Variants in NLRX1 observed in about 807,000 individuals in gnomAD.
NLRX1 encodes NLR family member X1, also known as NOD-like receptor X1.
In NLRX1, 67 loss-of-function variants were observed where a neutral mutation model predicts 74.2. The ratio of observed to expected loss-of-function variants is 0.90; its 90% CI spans 0.74 to 1.11. The LOEUF is 1.11. Among genes scored for constraint, NLRX1 ranks in the 50% least tolerant of loss-of-function variants. NLRX1 has a pLI of 0.00. For synonymous variants in NLRX1, 506 were observed against 559.1 expected (o/e 0.91, Z 1.34); for missense variants, 1,191 against 1,305.4 (o/e 0.91, Z 1.35).
chr11:119,170,306 C>T (rs2135150332), intron 1 of NLRX1, among the ~76,000 whole-genome samples: 1 of 152,192 alleles, frequency 6.6e-6, no homozygotes, highest in South Asian at 2.1e-4. Flanking sequence ...CCAATAAATG[C>T]TGGTCGGGGC....
rs1434648405 is a variant in NLRX1 at position 119,173,462 on chromosome 11, C to T, written c.230-17C>T. ...AGGCCCCTTTCCCTGACACATTTCC[C>T]TTATCTTCCCACTCAGAAGCTATAC... is the stretch of plus-strand genomic sequence containing the variant. On this transcript the variant is annotated splice_polypyrimidine_tract_variant and intron_variant, in intron 4 of 9. Coordinates refer to ENST00000409109, the MANE Select transcript of NLRX1 (RefSeq NM_001282144.2). This position sits in a 1 kb window ranked among gnomAD's most constrained non-coding sequence, Gnocchi z 4.0. The T allele has an allele frequency of 6.2e-7, 1 of 1,606,628 alleles. No homozygotes were observed. The highest frequency in any genetic ancestry group is 1.3e-5 in the African/African-American group (1 of 74,864).
chr11:119,179,544 C>T (rs1471094645), intron 6 of NLRX1, 149 bp from the exon 7 acceptor site: 3 of 605,624 alleles, frequency 5.0e-6, no homozygotes, highest in East Asian at 2.8e-5. Flanking sequence ...GGTGTCGCAG[C>T]AGGGGAGTAG....
Position 119,171,439 on chromosome 11 carries a change from G to A in NLRX1, c.36G>A (p.Trp12Ter). 2 of 1,613,938 alleles carry A rather than the reference G, an allele frequency of 1.2e-6. No homozygotes were observed. Among genetic ancestry groups the A allele is most frequent in the African/African-American group, 2.7e-5 (2 of 75,028 alleles). Residue 12 changes from tryptophan to a stop codon, truncating the protein, a stop_gained, in exon 2 of 10, where the codon TGG becomes TGA. Coordinates refer to ENST00000409109, the MANE Select transcript of NLRX1 (RefSeq NM_001282144.2). LOFTEE classifies it high-confidence loss of function. ...GCCACCATTTGCCCAGGGCCTCTTGGGGCTCTGGTTTTAGAAGAGCACTCC... is the reference window on the plus strand; with the variant it reads ...GCCACCATTTGCCCAGGGCCTCTTGAGGCTCTGGTTTTAGAAGAGCACTCC... ...RWGHHLPRAS[W>*]GSGFRRALQR... is the part of the protein sequence containing the mutation.
Position 119,179,702 on chromosome 11 carries a change from C to A in NLRX1, c.1681C>A (p.Arg561=), listed in dbSNP as rs777542825. 1.3e-6 allele frequency: 2 copies of A among 1,596,260 alleles called. No homozygotes were observed. The highest frequency in any genetic ancestry group is 1.7e-6 in the Non-Finnish European group (2 of 1,169,532). ...LLFNLIKVVP[R]VFGRMVGKSR... ...CCTGCTTCTTTTTCAGGTGGTTCCA[C>A]GAGTGTTTGGGCGCATGGTGGGTAA... The change falls in exon 7 of 10, where the codon CGA becomes AGA. Residue 561 remains arginine (R), a synonymous_variant. Coordinates refer to ENST00000409109, the MANE Select transcript of NLRX1 (RefSeq NM_001282144.2).
Position 119,173,741 on chromosome 11 carries a change from G to T in NLRX1, c.492G>T (p.Leu164=), listed in dbSNP as rs1338736969. The change falls in exon 5 of 10, where the codon CTG becomes CTT. Residue 164 remains leucine (L), a synonymous_variant. Coordinates refer to ENST00000409109, the MANE Select transcript of NLRX1 (RefSeq NM_001282144.2). This position sits in a 1 kb window ranked among gnomAD's most constrained non-coding sequence, Gnocchi z 4.0. ...ACGRRVQTVV[L]YGTVGTGKST... ...GGCGCCGGGTGCAGACAGTGGTGCT[G>T]TATGGGACAGTGGGCACAGGCAAGA... The T allele has an allele frequency of 2.5e-6, 4 of 1,613,728 alleles. No homozygotes were observed.
chr11:119,169,990 CCT>C (rs1404354423), intron 1 of NLRX1, among the ~76,000 whole-genome samples: 1 of 112,868 alleles, frequency 8.9e-6, no homozygotes, highest in Non-Finnish European at 1.6e-5. Flanking sequence ...AGCGAGAGAC[CCT>C]GTCTCAGGAA....
At position 119,179,791 on chromosome 11, in the gene NLRX1, C is replaced by T. The variant is rs1238191183; in HGVS notation, c.1770C>T (p.Asn590=). Residue 590 remains asparagine, a synonymous_variant, in exon 7 of 10, where the codon AAC becomes AAT. Transcript: ENST00000409109. ...TGTTTCGAGAGGAGGACTACTACAA[C>T]GATGATGTTCTGGACCAGATGGGCG... The part of the protein sequence containing the change: ...LEMFREEDYY[N]DDVLDQMGAS... 4.3e-6 allele frequency: 7 copies of T among 1,614,202 alleles called. No individual in the cohort carries two copies. Among genetic ancestry groups the T allele is most frequent in the South Asian group, 1.1e-5 (1 of 91,086 alleles).
At chr11:119,181,451 T>C in intron 8 of NLRX1, 194 bp downstream of exon 8, 1 of 579,508 alleles carries the variant, frequency 1.7e-6, no homozygotes. Context: ...CCACCTGTAA[T>C]GGGTGCTAAG....
rs754031676 is a variant in NLRX1 at position 119,174,513 on chromosome 11, G to A, written c.910G>A (p.Gly304Ser). The A allele has an allele frequency of 2.3e-5, 37 of 1,614,082 alleles. No homozygotes were observed. The highest frequency in any genetic ancestry group is 1.6e-4 in the Middle Eastern group (1 of 6,084). Residue 304 changes from glycine (G) to serine (S), a missense_variant, in exon 6 of 10, where the codon GGC becomes AGC. Physicochemically the swap from Gly to Ser is moderately conservative, Grantham distance 56. Transcript: ENST00000409109. The stretch of plus-strand genomic sequence containing the variant: ...TGGCCGTATCCCCAGCAAGTACGTG[G>A]GCCGCTATGGTGAGATCTGCGGTTT... ...AIGRIPSKYV[G>S]RYGEICGFSD...
At position 119,173,364 on chromosome 11, in the gene NLRX1, G is replaced by A; in HGVS notation, c.230-115G>A. ...GGAGTCTTGTGTGCCCACCATTGTG[G>A]GCCCCAGCATCTATGCCGTGATGTC... On this transcript the variant is annotated intron_variant, in intron 4 of 9. Transcript: ENST00000409109. The surrounding 1 kb of genome is among the most constrained non-coding windows in gnomAD (Gnocchi z 4.0). The A allele has an allele frequency of 8.8e-7, 1 of 1,132,714 alleles. No homozygotes were observed. Among genetic ancestry groups the A allele is most frequent in the Non-Finnish European group, 1.3e-6 (1 of 796,380 alleles). 70.2% of individuals were successfully genotyped at this position (1,132,714 alleles called of 1,614,324 possible).
intron 6 of NLRX1, among the ~76,000 whole-genome samples, chr11:119,177,531 G>A (rs1353705414): frequency 2.0e-5 from 3 of 151,664 alleles, no homozygotes; most frequent in Non-Finnish European, 2.9e-5. Context: ...GGGAGGCTGA[G>A]GCAGGAGAAT....
In NLRX1 at chr11:119,183,982, TTGC is replaced by T. The variant is rs1346977141; in HGVS notation, c.*548_*550del. ...GCCCCTCGAGGCAGATGCACCTGAC[TTGC>T]TGCTATTAAAAAGCCGTGTGCCTTC... On this transcript the variant is annotated 3_prime_UTR_variant, in exon 10 of 10. Transcript: ENST00000409109. The surrounding 1 kb of genome is among the most constrained non-coding windows in gnomAD (Gnocchi z 5.7). 1.3e-6 allele frequency: 1 copy of T among 760,146 alleles called. No homozygotes were observed. The highest frequency in any genetic ancestry group is 1.7e-5 in the African/African-American group (1 of 58,688). 47.1% of individuals were successfully genotyped at this position (760,146 alleles called of 1,614,324 possible).
At chr11:119,172,170 C>T (rs957727998) in intron 2 of NLRX1, among the ~76,000 whole-genome samples, 186 bp from the exon 3 acceptor site, 4 of 152,214 alleles carry the variant, frequency 2.6e-5, no homozygotes, top group Non-Finnish European at 5.9e-5. Context: ...TGTGATCCCT[C>T]TCATGGAGGA....
At position 119,183,550 on chromosome 11, in the gene NLRX1, C is replaced by A; in HGVS notation, c.*111C>A. On this transcript the variant is annotated 3_prime_UTR_variant, in exon 10 of 10. Transcript: ENST00000409109. The surrounding 1 kb of genome is among the most constrained non-coding windows in gnomAD (Gnocchi z 5.7). Reference sequence around the variant, plus strand: ...AGAAAGATTCCTTCAGGTCTGGAGGCAGAGGAATGGGCATAGCTGAGCCAG... The same window carrying A: ...AGAAAGATTCCTTCAGGTCTGGAGGAAGAGGAATGGGCATAGCTGAGCCAG... 1 of 1,105,768 alleles carries A rather than the reference C, an allele frequency of 9.0e-7. No individual in the cohort carries two copies. Among genetic ancestry groups the A allele is most frequent in the Non-Finnish European group, 1.3e-6 (1 of 757,548 alleles). The allele number at this position is 1,105,768 out of a possible 1,614,324, so 68.5% of individuals were successfully genotyped here.
At chr11:119,171,891 G>A (rs1006992701) in intron 2 of NLRX1, among the ~76,000 whole-genome samples, 1 of 151,916 alleles carries the variant, frequency 6.6e-6, no homozygotes, top group Admixed American at 6.6e-5. Context: ...GGAGGCAGAA[G>A]TTGCAGTGAG....
At position 119,183,081 on chromosome 11, in the gene NLRX1, C is replaced by A; in HGVS notation, c.2607-37C>A. 2 of 1,589,242 alleles carry A rather than the reference C, an allele frequency of 1.3e-6. No homozygotes were observed. The highest frequency in any genetic ancestry group is 2.3e-5 in the South Asian group (2 of 88,450). On this transcript the variant is annotated intron_variant, in intron 9 of 9. Coordinates refer to ENST00000409109, the MANE Select transcript of NLRX1 (RefSeq NM_001282144.2). This position sits in a 1 kb window ranked among gnomAD's most constrained non-coding sequence, Gnocchi z 5.7. ...TACCCTCGGGCCCTCCTTCTCAGAG[C>A]TCTACTGAATGGCATCGACTTTCTC... is the stretch of plus-strand genomic sequence containing the variant.
rs754570039 is a variant in NLRX1 at position 119,174,800 on chromosome 11, C to T, written c.1197C>T (p.Thr399=). Residue 399 remains threonine (T), a synonymous_variant, in exon 6 of 10, where the codon ACC becomes ACT. Transcript: ENST00000409109. ...GGCAGACCCTTACAAGCATCTATAC[C>T]AGCTTCCTGCGCCTCAACTTCAGCG... The part of the protein sequence containing the change: ...PAGQTLTSIY[T]SFLRLNFSGE... 7 of 1,613,816 alleles carry T rather than the reference C, an allele frequency of 4.3e-6. No homozygotes were observed. In the South Asian group the frequency reaches 7.7e-5, roughly 18 times the overall value.
At position 119,180,142 on chromosome 11, in the gene NLRX1, C is replaced by A; in HGVS notation, c.2121C>A (p.Arg707=). The A allele has an allele frequency of 6.2e-7, 1 of 1,613,320 alleles. No homozygotes were observed. The highest frequency in any genetic ancestry group is 8.5e-7 in the Non-Finnish European group (1 of 1,179,554). The change falls in exon 7 of 10, where the codon CGC becomes CGA. Residue 707 remains arginine, a synonymous_variant. Coordinates refer to ENST00000409109, the MANE Select transcript of NLRX1 (RefSeq NM_001282144.2). The part of the protein sequence containing the change: ...SLRQLNLAGV[R]MTPVKCTVVA... Reference sequence around the variant, plus strand: ...GTCAGCTCAACCTGGCAGGTGTGCGCATGACACCAGTCAAGTGCACAGTGG... The same window carrying A: ...GTCAGCTCAACCTGGCAGGTGTGCGAATGACACCAGTCAAGTGCACAGTGG...
chr11:119,173,219 C>T lies in NLRX1; in HGVS notation c.229+230C>T. On this transcript the variant is annotated intron_variant, in intron 4 of 9. Transcript: ENST00000409109. This position sits in a 1 kb window ranked among gnomAD's most constrained non-coding sequence, Gnocchi z 4.0. Reference sequence around the variant, plus strand: ...AGAGCCATACCATCCCTATGCTCAACAAAGTTGGGTCAAGCAGGTTAAGAC... The same window carrying T: ...AGAGCCATACCATCCCTATGCTCAATAAAGTTGGGTCAAGCAGGTTAAGAC... 1 of 615,732 alleles carries T rather than the reference C, an allele frequency of 1.6e-6. No homozygotes were observed. Among genetic ancestry groups the T allele is most frequent in the East Asian group, 2.8e-5 (1 of 36,332 alleles). The allele number at this position is 615,732 out of a possible 1,614,324, so 38.1% of individuals were successfully genotyped here. A position where few individuals can be genotyped will look rare whatever the true frequency, so the allele number is the denominator to read the frequency against.
Sources: gnomAD v4.1 joint callset for allele counts (sites outside exome capture counted in the v4.1 genomes callset) on GRCh38, gnomAD v4.1.1 for gene constraint, Gnocchi (gnomAD v3.1) non-coding constraint, MANE v1.5 for transcripts, NCBI Gene and HGNC (gene_info 2026-07-23, HGNC 2026-07-21) for gene names.